The following ASXL2 variants were observed in gnomAD, a reference collection of about 807,000 sequenced individuals.
The protein encoded by ASXL2 is putative Polycomb group protein ASXL2.
Under a neutral mutation model 122.0 loss-of-function variants are expected in ASXL2, and 23 were observed. The ratio of observed to expected loss-of-function variants is 0.19; its 90% CI spans 0.14 to 0.27. The LOEUF (loss-of-function observed/expected upper bound fraction) is 0.27, where lower values mean the gene tolerates loss of function less well. Ranked by LOEUF, ASXL2 falls within the 10% of genes least tolerant of loss-of-function variation. The pLI is 1.00. For synonymous variants in ASXL2, 650 were observed against 637.0 expected, an observed-to-expected ratio of 1.02 and a Z score of -0.31; for missense variants, 1,518 against 1,713.8, an observed-to-expected ratio of 0.89 and a Z score of 2.02.
In ASXL2 at chr2:25,734,015, T is replaced by C. The variant is rs1282256397; in HGVS notation, c.*8014A>G. On this transcript the variant is annotated 3_prime_UTR_variant, in exon 13 of 13. Transcript: ENST00000435504. Reference sequence around the variant, plus strand: ...TTTCTTCCATTCCGACTTCTCTTAGTGCTGGTGAAGGGTGCAATGCAGTCA... The same window carrying C: ...TTTCTTCCATTCCGACTTCTCTTAGCGCTGGTGAAGGGTGCAATGCAGTCA... 2 of 151,980 alleles carry C rather than the reference T, an allele frequency of 1.3e-5. No individual in the cohort carries two copies. Among genetic ancestry groups the C allele is most frequent in the East Asian group, 1.9e-4 (1 of 5,196 alleles). The allele number at this position is 151,980 out of a possible 1,614,324, so 9.4% of individuals were successfully genotyped here. A position where few individuals can be genotyped will look rare whatever the true frequency, so the allele number is the denominator to read the frequency against.
At chr2:25,781,755 G>A (rs34762852) in intron 5 of ASXL2, among the ~76,000 whole-genome samples, 39,746 of 147,466 alleles carry the variant, frequency 0.27, 5,548 homozygotes, top group African/African-American at 0.29. Flanking sequence ...CGCAGCCTCC[G>A]CCTCCTGGGT....
intron 5 of ASXL2, among the ~76,000 whole-genome samples, chr2:25,775,271 G>A (rs547918324): frequency 6.6e-6 from 1 of 152,182 alleles, no homozygotes; most frequent in African/African-American, 2.4e-5. Flanking sequence ...AGGATTACAG[G>A]TGCCCACCAC....
At chr2:25,809,543 A>C (rs1312829888) in intron 3 of ASXL2, among the ~76,000 whole-genome samples, 1 of 152,178 alleles carries the variant, frequency 6.6e-6, no homozygotes, top group Non-Finnish European at 1.5e-5. Flanking sequence ...ATATGCATTA[A>C]GCTGAAAAGT....
At chr2:25,829,877 C>T (rs182758982) in intron 3 of ASXL2, among the ~76,000 whole-genome samples, 15 of 152,322 alleles carry the variant, frequency 9.8e-5, no homozygotes, top group African/African-American at 3.6e-4. Context: ...ACACCTCCCG[C>T]TCTCACAAGA....
chr2:25,822,844 T>C (rs1218721671), intron 3 of ASXL2: 3 of 555,180 alleles, frequency 5.4e-6, no homozygotes, highest in African/African-American at 1.9e-5. Context: ...TTCTCTGAGA[T>C]GATGAACAAC....
At chr2:25,845,307 T>C in intron 2 of ASXL2, 174 bp downstream of exon 2, 1 of 1,118,918 alleles carries the variant, frequency 8.9e-7, no homozygotes. Context: ...GTTTAAAACT[T>C]TCTGGTTTTA....
At chr2:25,861,792 G>A (rs2089845036) in intron 1 of ASXL2, among the ~76,000 whole-genome samples, 1 of 152,182 alleles carries the variant, frequency 6.6e-6, no homozygotes, top group Admixed American at 6.6e-5. Flanking sequence ...AAATCAAGAA[G>A]CATCTGTACT....
Position 25,759,648 on chromosome 2 carries a change from A to G in ASXL2, c.776-3T>C. ...ACATTTAGTTCTTTTCATTTGTCCT[A>G]CAAAAACAGAGAAGAATCGTTTGGG... On this transcript the variant is annotated splice_polypyrimidine_tract_variant and splice_region_variant and intron_variant, in intron 8 of 12. Coordinates refer to ENST00000435504, the MANE Select transcript of ASXL2 (RefSeq NM_018263.6). The G allele has an allele frequency of 6.2e-7, 1 of 1,605,704 alleles. No individual in the cohort carries two copies. Among genetic ancestry groups the G allele is most frequent in the Non-Finnish European group, 8.5e-7 (1 of 1,173,756 alleles).
At chr2:25,863,268 T>C (rs996651693) in intron 1 of ASXL2, among the ~76,000 whole-genome samples, 5 of 149,798 alleles carry the variant, frequency 3.3e-5, no homozygotes, top group African/African-American at 1.2e-4. Flanking sequence ...AGGCAGAGGT[T>C]GTAGTGAGCC....
Position 25,757,803 on chromosome 2 carries a change from CTTG to C in ASXL2, c.939+1676_939+1678del. On this transcript the variant is annotated intron_variant, in intron 9 of 12. Transcript: ENST00000435504. Reference sequence around the variant, plus strand: ...ATGTGGCAATCCTCCAGATTTAGAACTTGATAAAGAACATTAGTCAAAAGATAG... The same window carrying C: ...ATGTGGCAATCCTCCAGATTTAGAACATAAAGAACATTAGTCAAAAGATAG... Among the ~76,000 whole-genome samples the C allele has an allele frequency of 4.1e-5, 6 of 147,628 alleles. 1 individual carries two copies. The Admixed American group carries it at 4.1e-4, about 10-fold the overall frequency.
intron 5 of ASXL2, among the ~76,000 whole-genome samples, chr2:25,797,551 C>G (rs1243785447): frequency 6.6e-6 from 1 of 152,190 alleles, no homozygotes; most frequent in Non-Finnish European, 1.5e-5. Flanking sequence ...TAAGAAAACA[C>G]ACAACCTGAT....
At chr2:25,752,624 G>C (rs1345013429) in intron 11 of ASXL2, among the ~76,000 whole-genome samples, 4 of 152,106 alleles carry the variant, frequency 2.6e-5, no homozygotes, top group Admixed American at 2.0e-4. Context: ...GAGGAGGGCA[G>C]ATCACCTGAA....
intron 1 of ASXL2, among the ~76,000 whole-genome samples, chr2:25,860,733 G>A: frequency 8.8e-3 from 1 of 114 alleles, no homozygotes; most frequent in South Asian, 0.1. Flanking sequence ...AAAGATCTAT[G>A]CTGGGTGTGG....
rs571969149 is a variant in ASXL2 at position 25,822,512 on chromosome 2, T to C, written c.143+13026A>G. Reference sequence around the variant, plus strand: ...AAGTGGTACTATCGAAGGGACTATGTCTTCACTGAATTCTGTGAACACAGT... The same window carrying C: ...AAGTGGTACTATCGAAGGGACTATGCCTTCACTGAATTCTGTGAACACAGT... On this transcript the variant is annotated intron_variant, in intron 3 of 12. Coordinates refer to ENST00000435504, the MANE Select transcript of ASXL2 (RefSeq NM_018263.6). 39 of 494,452 alleles carry C rather than the reference T, an allele frequency of 7.9e-5. No individual in the cohort carries two copies. The East Asian group carries it at 8.4e-4, about 11-fold the overall frequency. The allele number at this position is 494,452 out of a possible 1,614,324, so 30.6% of individuals were successfully genotyped here. A position where few individuals can be genotyped will look rare whatever the true frequency, so the allele number is the denominator to read the frequency against.
In ASXL2 at chr2:25,766,957, T is replaced by G. The variant is rs2088364191; in HGVS notation, c.775+626A>C. 2.0e-5 allele frequency among the ~76,000 whole-genome samples: 3 copies of G among 152,346 alleles called. No individual in the cohort carries two copies. The South Asian group carries it at 6.2e-4, about 32-fold the overall frequency. ...CAATTCTTGAGCCTTCCCGGTGTTC[T>G]GCAACCTTATGTGGCTGCTTTATCC... is the stretch of plus-strand genomic sequence containing the variant. On this transcript the variant is annotated intron_variant, in intron 8 of 12. Transcript: ENST00000435504.
chr2:25,778,869 A>G (rs2088588006), intron 5 of ASXL2, among the ~76,000 whole-genome samples: 2 of 152,194 alleles, frequency 1.3e-5, no homozygotes, highest in Admixed American at 6.5e-5. Context: ...TGGAAATGAT[A>G]TTAAATGGAA....
chr2:25,877,739 G>C (rs1156893442), intron 1 of ASXL2, among the ~76,000 whole-genome samples: 1 of 152,156 alleles, frequency 6.6e-6, no homozygotes, highest in African/African-American at 2.4e-5. Context: ...CAGCTCCAGC[G>C]CTCCCCTCTC....
chr2:25,820,213 C>T (rs1035117550), intron 3 of ASXL2, among the ~76,000 whole-genome samples: 1 of 152,182 alleles, frequency 6.6e-6, no homozygotes, highest in Non-Finnish European at 1.5e-5. Flanking sequence ...CTGCATCAAG[C>T]CTACTCTGAA....
At chr2:25,787,622 A>G (rs1406556097) in intron 5 of ASXL2, among the ~76,000 whole-genome samples, 1 of 152,232 alleles carries the variant, frequency 6.6e-6, no homozygotes, top group East Asian at 1.9e-4. Context: ...GCAACACACA[A>G]TTATAAAGTA....
Sources: allele counts gnomAD v4.1 joint callset (sites outside exome capture counted in the v4.1 genomes callset), GRCh38; gene constraint gnomAD v4.1.1; transcripts MANE v1.5; gene names NCBI Gene and HGNC (gene_info 2026-07-23, HGNC 2026-07-21).